The following COPZ1 variants were observed in gnomAD, a reference collection of about 807,000 sequenced individuals.
COPZ1 encodes coat protein complex I subunit zeta 1, also known as coatomer subunit zeta-1.
In COPZ1, 4 loss-of-function variants were observed where a neutral mutation model predicts 31.7. That is an observed-to-expected ratio of 0.13 (90% CI 0.06 to 0.29). COPZ1 has a LOEUF of 0.29. Among genes scored for constraint, COPZ1 ranks in the 10% least tolerant of loss-of-function variants. The pLI, the probability that COPZ1 is intolerant of heterozygous loss-of-function variation, is 1.00. For synonymous variants in COPZ1, 74 were observed against 79.0 expected, an observed-to-expected ratio of 0.94 and a Z score of 0.33; for missense variants, 156 against 211.5, an observed-to-expected ratio of 0.74 and a Z score of 1.63.
chr12:54,341,330 G>A (rs1953969612), intron 2 of COPZ1, among the ~76,000 whole-genome samples: 1 of 152,026 alleles, frequency 6.6e-6, no homozygotes, highest in Non-Finnish European at 1.5e-5. Context: ...CCAGAGTGAT[G>A]TTTCCAACTT....
chr12:54,347,883 C>G (rs770041929), intron 6 of COPZ1, 39 bp downstream of exon 6: 1 of 1,607,796 alleles, frequency 6.2e-7, no homozygotes, highest in East Asian at 2.2e-5. Flanking sequence ...GGTGAGGTGG[C>G]GGGATAACTG....
At chr12:54,339,915 G>T (rs1407579494) in intron 1 of COPZ1, among the ~76,000 whole-genome samples, 1 of 151,998 alleles carries the variant, frequency 6.6e-6, no homozygotes, top group Non-Finnish European at 1.5e-5. Context: ...AAGAATTGGA[G>T]AACATAGGAG....
intron 1 of COPZ1, among the ~76,000 whole-genome samples, chr12:54,330,274 T>G (rs1161952506): frequency 1.3e-5 from 2 of 152,146 alleles, no homozygotes; most frequent in Non-Finnish European, 2.9e-5. Flanking sequence ...AAGTTTAATT[T>G]ATTGACACTT....
chr12:54,350,084 AGATAGATTGTCTACCTGATGTAGGGG>A lies in COPZ1; in HGVS notation c.487-389_487-364del. ...AGATCCATCTTGCTACCTTGACTGC[AGATAGATTGTCTACCTGATGTAGGGG>A]GAAGGGAGGGGTTCCGTTTTCTACC... is the stretch of plus-strand genomic sequence containing the variant. On this transcript the variant is annotated intron_variant, in intron 8 of 8. Coordinates refer to ENST00000262061, the MANE Select transcript of COPZ1 (RefSeq NM_016057.3). 3 of 605,228 alleles carry A rather than the reference AGATAGATTGTCTACCTGATGTAGGGG, an allele frequency of 5.0e-6. No individual in the cohort carries two copies. The East Asian group carries it at 8.2e-5, about 17-fold the overall frequency. The allele number at this position is 605,228 out of a possible 1,614,324, so 37.5% of individuals were successfully genotyped here.
At chr12:54,326,678 T>TGTGTAG (rs1555152207) in intron 1 of COPZ1, among the ~76,000 whole-genome samples, 4 of 140,708 alleles carry the variant, frequency 2.8e-5, no homozygotes, top group Non-Finnish European at 6.2e-5. Flanking sequence ...TGTGTGTGTG[T>TGTGTAG]GTAGGTAGGT....
In COPZ1 at chr12:54,343,335, C is replaced by G. The variant is rs1350141076; in HGVS notation, c.261+19C>G. On this transcript the variant is annotated intron_variant, in intron 4 of 8. Coordinates refer to ENST00000262061, the MANE Select transcript of COPZ1 (RefSeq NM_016057.3). The stretch of plus-strand genomic sequence containing the variant: ...AAATGAGGTGAGAATCCCCACCCCT[C>G]TTTGCTATTTCTGATCCTACTTTCT... 6.3e-7 allele frequency: 1 copy of G among 1,588,656 alleles called. No homozygotes were observed. The highest frequency in any genetic ancestry group is 1.3e-5 in the African/African-American group (1 of 74,332).
At chr12:54,338,295 C>T (rs939451441) in intron 1 of COPZ1, among the ~76,000 whole-genome samples, 4 of 152,200 alleles carry the variant, frequency 2.6e-5, no homozygotes, top group African/African-American at 9.6e-5. Context: ...ATTGTTGTCT[C>T]CCTTTTGGAA....
rs114738140 is a variant in COPZ1, at chr12:54,338,317, A to G, written c.19-2230A>G. On this transcript the variant is annotated intron_variant, in intron 1 of 8. Coordinates refer to ENST00000262061, the MANE Select transcript of COPZ1 (RefSeq NM_016057.3). Reference sequence around the variant, plus strand: ...TCTCCCTTTTGGAATTGAGGACCCAAGTTGTTATAGAACTGAGCCTGCTTT... The same window carrying G: ...TCTCCCTTTTGGAATTGAGGACCCAGGTTGTTATAGAACTGAGCCTGCTTT... Among the ~76,000 whole-genome samples the G allele has an allele frequency of 2.5e-3, 383 of 152,308 alleles. 3 individuals are homozygous for G. The highest frequency in any genetic ancestry group is 9.0e-3 in the African/African-American group (374 of 41,566).
chr12:54,348,115 C>T, intron 7 of COPZ1, 64 bp downstream of exon 7: 4 of 1,470,236 alleles, frequency 2.7e-6, no homozygotes, highest in East Asian at 2.3e-5. Context: ...AGAGCCAGAC[C>T]TGCTGGATGT....
At chr12:54,326,961 C>CTTTTTTTTTTTTTTTTTTTTTTTTTTTT (rs60827109) in intron 1 of COPZ1, among the ~76,000 whole-genome samples, 1 of 43,564 alleles carries the variant, frequency 2.3e-5, no homozygotes, top group African/African-American at 1.0e-4. Flanking sequence ...AACAAGTATT[C>CTTTTTTTTTTTTTTTTTTTTTTTTTTTT]TTTTTTTTTT....
At position 54,325,227 on chromosome 12, in the gene COPZ1, C is replaced by T. The variant is rs1005780828; in HGVS notation, c.18+46C>T. ...AGAGATGCTGTGGTGTCCACAGGGG[C>T]CGGGAGTCAGGGTTCAGCCCGAGTG... On this transcript the variant is annotated intron_variant, in intron 1 of 8. Transcript: ENST00000262061. 11 of 1,546,522 alleles carry T rather than the reference C, an allele frequency of 7.1e-6. No homozygotes were observed. In the African/African-American group the frequency reaches 1.4e-4, roughly 19 times the overall value.
At chr12:54,325,403 GA>G in intron 1 of COPZ1, 1 of 604,604 alleles carries the variant, frequency 1.7e-6, no homozygotes, top group Non-Finnish European at 2.9e-6. Flanking sequence ...GTGGAAAGTT[GA>G]AGGCAGCACA....
At chr12:54,349,372 A>T (rs1954111914) in intron 7 of COPZ1, among the ~76,000 whole-genome samples, 1 of 152,090 alleles carries the variant, frequency 6.6e-6, no homozygotes, top group South Asian at 2.1e-4. Context: ...CTCTGAATGG[A>T]GTTAAATCTT....
In COPZ1 at chr12:54,348,134, G is replaced by C. The variant is rs535263663; in HGVS notation, c.447+83G>C. 7 of 1,270,884 alleles carry C rather than the reference G, an allele frequency of 5.5e-6. No homozygotes were observed. The African/African-American group carries it at 7.3e-5, about 13-fold the overall frequency. The allele number at this position is 1,270,884 out of a possible 1,614,324, so 78.7% of individuals were successfully genotyped here. A position where few individuals can be genotyped will look rare whatever the true frequency, so the allele number is the denominator to read the frequency against. ...CCAGACCTGCTGGATGTGTCCAGTA[G>C]TTGGGGCTCATAGGATACATACAAC... On this transcript the variant is annotated intron_variant, in intron 7 of 8. Transcript: ENST00000262061.
chr12:54,350,526 AC>A lies in COPZ1; in HGVS notation c.*5del. The A allele has an allele frequency of 1.9e-6, 3 of 1,613,038 alleles. No individual in the cohort carries two copies. Among genetic ancestry groups the A allele is most frequent in the Non-Finnish European group, 2.5e-6 (3 of 1,179,084 alleles). On this transcript the variant is annotated 3_prime_UTR_variant, in exon 9 of 9. Transcript: ENST00000262061. ...TCAAGTGGTCACTCCTTCGGTGAAG[AC>A]CTCACTGTTCCTGGCTCTTCATCCT...
At chr12:54,326,397 C>T (rs1337547323) in intron 1 of COPZ1, among the ~76,000 whole-genome samples, 2 of 148,718 alleles carry the variant, frequency 1.3e-5, no homozygotes, top group Non-Finnish European at 3.0e-5. Context: ...GCCTCGGCCT[C>T]CCAAAGTGCT....
Position 54,343,216 on chromosome 12 carries a change from C to A in COPZ1, c.170-9C>A. 6.2e-7 allele frequency: 1 copy of A among 1,610,478 alleles called. No homozygotes were observed. The highest frequency in any genetic ancestry group is 8.5e-7 in the Non-Finnish European group (1 of 1,177,138). ...CCACCCACTATTTTTACTTTTTTTC[C>A]CCCACCAGGTGAAATTGCCCTCTTG... On this transcript the variant is annotated splice_polypyrimidine_tract_variant and intron_variant, in intron 3 of 8. Coordinates refer to ENST00000262061, the MANE Select transcript of COPZ1 (RefSeq NM_016057.3).
At chr12:54,346,990 A>T (rs914006442) in intron 5 of COPZ1, among the ~76,000 whole-genome samples, 1 of 152,138 alleles carries the variant, frequency 6.6e-6, no homozygotes, top group Non-Finnish European at 1.5e-5. Flanking sequence ...ACTTTTCCTG[A>T]AAACATCCAG....
chr12:54,340,361 C>A, intron 1 of COPZ1, 186 bp from the exon 2 acceptor site: 1 of 867,964 alleles, frequency 1.2e-6, no homozygotes, highest in East Asian at 3.0e-5. Flanking sequence ...CTTTCTCTGT[C>A]AATTCAGTTT....
Sources: gnomAD v4.1 joint callset for allele counts (sites outside exome capture counted in the v4.1 genomes callset) on GRCh38, gnomAD v4.1.1 for gene constraint, MANE v1.5 for transcripts, NCBI Gene and HGNC (gene_info 2026-07-23, HGNC 2026-07-21) for gene names.